The following GABRG3 variants were observed in gnomAD, a reference collection of about 807,000 sequenced individuals.
The protein encoded by GABRG3 is gamma-aminobutyric acid type A receptor subunit gamma3.
Under a neutral mutation model 48.8 loss-of-function variants are expected in GABRG3, and 25 were observed. The ratio of observed to expected loss-of-function variants is 0.51; its 90% confidence interval spans 0.37 to 0.72. GABRG3 has a LOEUF of 0.72. Ranked by LOEUF, GABRG3 falls within the 30% of genes least tolerant of loss-of-function variation. The pLI is 0.00. For missense variants in GABRG3, 394 were observed against 577.9 expected (o/e 0.68, Z 3.26); for synonymous variants, 227 against 217.6 (o/e 1.04, Z -0.38).
intron 3 of GABRG3, among the ~76,000 whole-genome samples, chr15:27,031,726 A>G (rs535323226): frequency 6.6e-6 from 1 of 152,344 alleles, no homozygotes; most frequent in South Asian, 2.1e-4. Flanking sequence ...TGAAGCTTTA[A>G]GAAGTGAAGT....
chr15:27,325,219 C>T (rs1035083028), intron 3 of GABRG3, among the ~76,000 whole-genome samples: 3 of 152,216 alleles, frequency 2.0e-5, no homozygotes, highest in African/African-American at 7.2e-5. Flanking sequence ...TACACACACA[C>T]CTTCACTGTG....
chr15:27,185,497 A>C (rs1888065045), intron 3 of GABRG3, among the ~76,000 whole-genome samples: 2 of 152,170 alleles, frequency 1.3e-5, no homozygotes, highest in African/African-American at 4.8e-5. Context: ...TGTTGGGAGA[A>C]AATGTGGATT....
rs1317531468 is a variant in GABRG3 at position 27,533,634 on chromosome 15, C to A, written c.*753C>A. 6.6e-6 allele frequency: 1 copy of A among 152,172 alleles called. No individual in the cohort carries two copies. Among genetic ancestry groups the A allele is most frequent in the Non-Finnish European group, 1.5e-5 (1 of 68,046 alleles). The allele number at this position is 152,172 out of a possible 1,614,324, so 9.4% of individuals were successfully genotyped here. ...GTCAACAATATTTGAACTTTGGGTT[C>A]TTGGACTAGTTCAACAGCATTTCAC... is the stretch of plus-strand genomic sequence containing the variant. On this transcript the variant is annotated 3_prime_UTR_variant, in exon 10 of 10. Transcript: ENST00000615808.
At chr15:27,021,662 G>C (rs559814654) in intron 2 of GABRG3, among the ~76,000 whole-genome samples, 1 of 152,010 alleles carries the variant, frequency 6.6e-6, no homozygotes, top group Non-Finnish European at 1.5e-5. Context: ...GCAACATAGC[G>C]AGACTCTATT....
intron 5 of GABRG3, among the ~76,000 whole-genome samples, chr15:27,449,304 C>T (rs1889039231): frequency 6.6e-6 from 1 of 152,220 alleles, no homozygotes; most frequent in South Asian, 2.1e-4. Context: ...TCTCTAGCAT[C>T]ACTCCTGACC....
intron 3 of GABRG3, among the ~76,000 whole-genome samples, chr15:27,110,659 G>A (rs1489698217): frequency 1.3e-5 from 2 of 151,782 alleles, no homozygotes; most frequent in East Asian, 3.9e-4. Flanking sequence ...AGAATTTTAA[G>A]TTGGTGAGTT....
Position 27,276,664 on chromosome 15 carries a change from C to T in GABRG3, c.271-50145C>T, listed in dbSNP as rs13329512. On this transcript the variant is annotated intron_variant, in intron 3 of 9. Transcript: ENST00000615808. ...TTAAGGAATTTTGTTTTATAGTTCA[C>T]TAATCATAAAGGAACAAGAGTGGCG... is the stretch of plus-strand genomic sequence containing the variant. Among the ~76,000 whole-genome samples, 999 of 151,944 alleles carry T rather than the reference C, an allele frequency of 6.6e-3. 6 individuals carry two copies. The highest frequency in any genetic ancestry group is 0.023 in the African/African-American group (936 of 41,420).
intron 2 of GABRG3, among the ~76,000 whole-genome samples, chr15:26,981,722 A>G (rs1228140483): frequency 1.3e-5 from 2 of 152,186 alleles, no homozygotes; most frequent in Admixed American, 6.5e-5. Flanking sequence ...CAGCAGACGC[A>G]CCGTCGGCAG....
intron 5 of GABRG3, among the ~76,000 whole-genome samples, chr15:27,433,076 TTCC>T (rs1324993422): frequency 2.0e-5 from 3 of 152,246 alleles, no homozygotes; most frequent in Non-Finnish European, 4.4e-5. Context: ...TGCTCCTCAC[TTCC>T]TCTGAGTCCT....
intron 2 of GABRG3, among the ~76,000 whole-genome samples, chr15:27,024,754 C>T (rs1363004450): frequency 1.3e-5 from 2 of 152,158 alleles, no homozygotes; most frequent in South Asian, 2.1e-4. Context: ...TGGCCGGGCA[C>T]AGTGGCTCAT....
At chr15:27,391,766 G>A (rs149606375) in intron 5 of GABRG3, among the ~76,000 whole-genome samples, 12 of 152,306 alleles carry the variant, frequency 7.9e-5, no homozygotes, top group African/African-American at 2.9e-4. Context: ...CTATTTTCAT[G>A]TCCACAGTAA....
intron 3 of GABRG3, among the ~76,000 whole-genome samples, chr15:27,250,088 C>A (rs1036751856): frequency 6.6e-6 from 1 of 152,122 alleles, no homozygotes; most frequent in Non-Finnish European, 1.5e-5. Context: ...CCAAAGCCCC[C>A]TCACCAGCCC....
intron 3 of GABRG3, among the ~76,000 whole-genome samples, chr15:27,307,261 T>TTATATGTTTATATGTAACCATAGGTTTA (rs1892614699): frequency 2.5e-5 from 1 of 40,118 alleles, no homozygotes; most frequent in Non-Finnish European, 5.9e-5. Context: ...CATGTTCATA[T>TTATATGTTTATATGTAACCATAGGTTTA]TATATGTTTA....
intron 3 of GABRG3, among the ~76,000 whole-genome samples, chr15:27,192,138 C>T (rs1010802799): frequency 3.3e-5 from 5 of 152,170 alleles, no homozygotes; most frequent in African/African-American, 9.7e-5. Context: ...CCCGACCTTT[C>T]TCTCTGGCTG....
At chr15:27,015,853 CT>C (rs1194380837) in intron 2 of GABRG3, among the ~76,000 whole-genome samples, 3 of 151,988 alleles carry the variant, frequency 2.0e-5, no homozygotes. Context: ...CTGTTGATTT[CT>C]TGTTTCATTC....
chr15:27,162,666 A>G (rs1319563595), intron 3 of GABRG3, among the ~76,000 whole-genome samples: 1 of 152,084 alleles, frequency 6.6e-6, no homozygotes, highest in Admixed American at 6.5e-5. Flanking sequence ...TCACAGGATG[A>G]CTGGCCAGAG....
At chr15:27,042,470 G>A (rs1036832228) in intron 3 of GABRG3, among the ~76,000 whole-genome samples, 2 of 152,188 alleles carry the variant, frequency 1.3e-5, no homozygotes, top group African/African-American at 4.8e-5. Context: ...GGGGCCTGGC[G>A]GCCCTCTGCT....
In GABRG3 at chr15:27,032,785, C is replaced by A. The variant is rs563268722; in HGVS notation, c.270+5964C>A. Among the ~76,000 whole-genome samples, 10 of 152,260 alleles carry A rather than the reference C, an allele frequency of 6.6e-5. No individual in the cohort carries two copies. The East Asian group carries it at 1.7e-3, about 26-fold the overall frequency. ...GGGATGAAACATCTAAACCATATCA[C>A]CTGGCAATTTTCATTGTGTACAAAG... On this transcript the variant is annotated intron_variant, in intron 3 of 9. Coordinates refer to ENST00000615808, the MANE Select transcript of GABRG3 (RefSeq NM_033223.5).
At chr15:27,350,012 G>A in intron 5 of GABRG3, 1 of 425,446 alleles carries the variant, frequency 2.4e-6, no homozygotes. Context: ...TACTTAAATA[G>A]TAGCCAAAAG....
Sources: allele counts gnomAD v4.1 joint callset (sites outside exome capture counted in the v4.1 genomes callset), GRCh38; gene constraint gnomAD v4.1.1; transcripts MANE v1.5; gene names NCBI Gene and HGNC (gene_info 2026-07-23, HGNC 2026-07-21).